Variants in LPP observed in about 807,000 individuals in gnomAD.
LPP encodes LIM domain containing preferred translocation partner in lipoma.
LPP carries 38 observed loss-of-function variants against 60.4 expected under a neutral mutation model. The ratio of observed to expected loss-of-function variants is 0.63; its 90% CI spans 0.49 to 0.83. LPP has a LOEUF of 0.83. Ranked by LOEUF, LPP falls within the 40% of genes least tolerant of loss-of-function variation. The pLI, the probability that LPP is intolerant of heterozygous loss-of-function variation, is 0.00. For synonymous variants in LPP, 328 were observed against 290.8 expected (o/e 1.13, Z -1.30); for missense variants, 902 against 783.6 (o/e 1.15, Z -1.80).
intron 3 of LPP, among the ~76,000 whole-genome samples, chr3:188,391,961 A>T (rs1268126763): frequency 6.6e-6 from 1 of 152,180 alleles, no homozygotes; most frequent in Non-Finnish European, 1.5e-5. Flanking sequence ...ATATCAAGCC[A>T]ATTACATATA....
At chr3:188,731,527 T>TTTTG (rs1553817825) in intron 8 of LPP, among the ~76,000 whole-genome samples, 4 of 151,660 alleles carry the variant, frequency 2.6e-5, no homozygotes, top group African/African-American at 9.7e-5. Flanking sequence ...TTTTGTTTTG[T>TTTTG]TTTGTTTTGT....
chr3:188,649,597 C>T (rs1851711510), intron 7 of LPP, among the ~76,000 whole-genome samples: 1 of 152,160 alleles, frequency 6.6e-6, no homozygotes, highest in Non-Finnish European at 1.5e-5. Flanking sequence ...GAAGTGATAG[C>T]ACTTACATTC....
chr3:188,213,121 A>T (rs1356851057), intron 1 of LPP: 1 of 152,226 alleles, frequency 6.6e-6, no homozygotes, highest in African/African-American at 2.4e-5. Flanking sequence ...TTGTCTGATG[A>T]TTAAGGCTAA....
At chr3:188,666,378 T>C (rs1261348546) in intron 7 of LPP, among the ~76,000 whole-genome samples, 1 of 152,184 alleles carries the variant, frequency 6.6e-6, no homozygotes, top group Non-Finnish European at 1.5e-5. Context: ...ACCAGAAAGA[T>C]TCACACAGAC....
intron 2 of LPP, among the ~76,000 whole-genome samples, chr3:188,300,026 A>G (rs1749232852): frequency 6.6e-6 from 1 of 152,252 alleles, no homozygotes. Flanking sequence ...AAAACAGAAC[A>G]GACATTTCTT....
chr3:188,760,440 G>GTGTGTGTGCGCA (rs1553836338), intron 9 of LPP, among the ~76,000 whole-genome samples, 158 bp downstream of exon 9: 2 of 145,242 alleles, frequency 1.4e-5, no homozygotes, highest in African/African-American at 2.8e-5. Context: ...GTGTGTGCGT[G>GTGTGTGTGCGCA]CGCGCATGTA....
chr3:188,488,284 GAT>G (rs1807214468), intron 5 of LPP, among the ~76,000 whole-genome samples: 1 of 152,042 alleles, frequency 6.6e-6, no homozygotes, highest in Non-Finnish European at 1.5e-5. Flanking sequence ...CTGAATTTTT[GAT>G]ATATGCTATA....
chr3:188,506,651 A>C (rs1813538715), intron 5 of LPP, among the ~76,000 whole-genome samples: 1 of 152,210 alleles, frequency 6.6e-6, no homozygotes. Context: ...CACAGTTACT[A>C]GGAGAGCTGG....
intron 7 of LPP, among the ~76,000 whole-genome samples, chr3:188,660,981 A>T (rs1854453191): frequency 6.6e-6 from 1 of 152,128 alleles, no homozygotes; most frequent in Non-Finnish European, 1.5e-5. Flanking sequence ...CCTAAGAATT[A>T]TCCTTGCTCT....
At chr3:188,541,234 TA>T (rs1343104582) in intron 6 of LPP, among the ~76,000 whole-genome samples, 3 of 152,210 alleles carry the variant, frequency 2.0e-5, no homozygotes, top group Non-Finnish European at 4.4e-5. Context: ...GAGGGCTTGT[TA>T]AATGCCATTA....
In LPP at chr3:188,761,272, G is replaced by GT. The variant is rs1732246278; in HGVS notation, c.1410+995dup. On this transcript the variant is annotated intron_variant, in intron 9 of 11. Coordinates refer to ENST00000617246, the MANE Select transcript of LPP (RefSeq NM_001375462.1). ...TACAAGGTTCACATTTATTGAAGAC[G>GT]TTTTTGGCCTGGTTGGTATTTTCCT... 2.0e-5 allele frequency among the ~76,000 whole-genome samples: 3 copies of GT among 152,170 alleles called. No individual in the cohort carries two copies. The South Asian group carries it at 6.2e-4, about 31-fold the overall frequency.
At chr3:188,192,426 C>T (rs182241618) in intron 1 of LPP, among the ~76,000 whole-genome samples, 1 of 152,322 alleles carries the variant, frequency 6.6e-6, no homozygotes, top group Admixed American at 6.5e-5. Context: ...GGAGAAAGAG[C>T]AGCACATCCA....
intron 1 of LPP, among the ~76,000 whole-genome samples, chr3:188,189,686 A>G (rs929981432): frequency 2.0e-5 from 3 of 152,124 alleles, no homozygotes; most frequent in East Asian, 3.9e-4. Flanking sequence ...GACCTTGCTG[A>G]ATCAGTACCA....
chr3:188,314,599 G>C (rs1489354210), intron 2 of LPP, among the ~76,000 whole-genome samples: 1 of 150,186 alleles, frequency 6.7e-6, no homozygotes, highest in Non-Finnish European at 1.5e-5. Flanking sequence ...TGAAAATTCT[G>C]TGTGTGTGTG....
intron 2 of LPP, among the ~76,000 whole-genome samples, chr3:188,325,101 C>A (rs1424943121): frequency 6.6e-6 from 1 of 152,150 alleles, no homozygotes; most frequent in Non-Finnish European, 1.5e-5. Context: ...CTGCCTCAGC[C>A]TCCCGAGTAG....
chr3:188,662,187 A>G (rs1305022131), intron 7 of LPP, among the ~76,000 whole-genome samples: 2 of 152,256 alleles, frequency 1.3e-5, no homozygotes, highest in Non-Finnish European at 2.9e-5. Context: ...GAAAGGATGC[A>G]TCTCATAGAA....
chr3:188,244,661 G>A lies in LPP; in HGVS notation c.-67+19134G>A, dbSNP rs563861877. The stretch of plus-strand genomic sequence containing the variant: ...ATTCTCCATTGTATTAGAGTCAAAA[G>A]TATGATTGTTTGTTGTAGAGGTGCC... On this transcript the variant is annotated intron_variant, in intron 2 of 11. Transcript: ENST00000617246. Among the ~76,000 whole-genome samples the A allele has an allele frequency of 2.6e-5, 4 of 152,304 alleles. No individual in the cohort carries two copies. The South Asian group carries it at 8.3e-4, about 32-fold the overall frequency.
chr3:188,717,839 C>G (rs997495910), intron 8 of LPP, among the ~76,000 whole-genome samples: 1 of 152,012 alleles, frequency 6.6e-6, no homozygotes, highest in Non-Finnish European at 1.5e-5. Flanking sequence ...TGTTTTGTGT[C>G]AGAGTTTCAC....
intron 3 of LPP, among the ~76,000 whole-genome samples, chr3:188,364,524 T>C (rs1346510124): frequency 2.0e-5 from 3 of 152,186 alleles, no homozygotes; most frequent in Non-Finnish European, 4.4e-5. Context: ...GCAAAAACAC[T>C]CAGAGATAGA....
Sources: allele counts gnomAD v4.1 joint callset (sites outside exome capture counted in the v4.1 genomes callset), GRCh38; gene constraint gnomAD v4.1.1; transcripts MANE v1.5; gene names NCBI Gene and HGNC (gene_info 2026-07-23, HGNC 2026-07-21).